AKAP19: variants seen among roughly 807,000 people sequenced by gnomAD.
AKAP19 encodes the protein small A-kinase anchoring protein.
the AKAP19 span, among the ~76,000 whole-genome samples, chr2:189,971,669 C>T: frequency 1.1e-4 from 17 of 152,196 alleles, no homozygotes; most frequent in South Asian, 2.1e-4. Flanking sequence ...TTTTAATGAT[C>T]GTCATTCTAA....
At chr2:190,110,903 C>G in the AKAP19 span, among the ~76,000 whole-genome samples, 2 of 152,202 alleles carry the variant, frequency 1.3e-5, no homozygotes, top group African/African-American at 4.8e-5. Context: ...ATGTAGGGCG[C>G]TGTCATTGTA....
At chr2:190,154,964 G>T in the AKAP19 span, among the ~76,000 whole-genome samples, 1 of 152,126 alleles carries the variant, frequency 6.6e-6, no homozygotes, top group Non-Finnish European at 1.5e-5. Context: ...CACTCCCACC[G>T]CTTTTCTAAG....
At chr2:189,923,241 C>T in the AKAP19 span, 2 of 1,278,710 alleles carry the variant, frequency 1.6e-6, no homozygotes, top group Non-Finnish European at 2.2e-6. Context: ...GTCGGCTTCT[C>T]TACGCAGAAC....
At chr2:190,121,306 T>C in the AKAP19 span, among the ~76,000 whole-genome samples, 2 of 151,960 alleles carry the variant, frequency 1.3e-5, no homozygotes, top group Non-Finnish European at 2.9e-5. Flanking sequence ...AAGGACAGGG[T>C]CTCTCTATGT....
At chr2:190,003,573 G>A in the AKAP19 span, among the ~76,000 whole-genome samples, 1 of 151,888 alleles carries the variant, frequency 6.6e-6, no homozygotes, top group Admixed American at 6.6e-5. Flanking sequence ...ATATAAAATT[G>A]TACTCTTAGG....
chr2:190,102,547 C>A, the AKAP19 span, among the ~76,000 whole-genome samples: 1 of 152,114 alleles, frequency 6.6e-6, no homozygotes, highest in African/African-American at 2.4e-5. Context: ...TCAGAGACTA[C>A]TATGAACTCC....
the AKAP19 span, among the ~76,000 whole-genome samples, chr2:189,955,740 T>C: frequency 1.3e-5 from 2 of 152,212 alleles, no homozygotes; most frequent in East Asian, 1.9e-4. Flanking sequence ...CAAATTCTTA[T>C]TGGGATGTAA....
At chr2:190,098,419 G>C in the AKAP19 span, among the ~76,000 whole-genome samples, 1 of 152,064 alleles carries the variant, frequency 6.6e-6, no homozygotes, top group Non-Finnish European at 1.5e-5. Flanking sequence ...CATTGTCAAT[G>C]AGCAGTAATA....
At chr2:190,024,471 T>C in the AKAP19 span, among the ~76,000 whole-genome samples, 2 of 151,918 alleles carry the variant, frequency 1.3e-5, no homozygotes, top group African/African-American at 4.8e-5. Context: ...AGTAAAGTCA[T>C]ATTTATATAT....
chr2:189,925,973 T>C, the AKAP19 span, among the ~76,000 whole-genome samples: 1 of 152,258 alleles, frequency 6.6e-6, no homozygotes, highest in Non-Finnish European at 1.5e-5. Context: ...TTTCTGAGGA[T>C]AGTCTCATGA....
At chr2:190,038,991 CT>C in the AKAP19 span, among the ~76,000 whole-genome samples, 311 of 124,250 alleles carry the variant, frequency 2.5e-3, 5 homozygotes, top group African/African-American at 9.7e-3. Context: ...TTCTTCCTTT[CT>C]TTCTTCTCTT....
the AKAP19 span, among the ~76,000 whole-genome samples, chr2:189,903,550 C>T: frequency 6.6e-6 from 1 of 151,928 alleles, no homozygotes; most frequent in Non-Finnish European, 1.5e-5. Context: ...GAATGCCATT[C>T]ATATGTAAAC....
the AKAP19 span, among the ~76,000 whole-genome samples, chr2:190,000,594 ATAT>A: frequency 6.6e-6 from 1 of 152,186 alleles, no homozygotes; most frequent in African/African-American, 2.4e-5. Context: ...TAGGGGAAAC[ATAT>A]TATTTTTCTT....
chr2:190,047,044 C>G, the AKAP19 span, among the ~76,000 whole-genome samples: 1 of 152,090 alleles, frequency 6.6e-6, no homozygotes, highest in African/African-American at 2.4e-5. Context: ...CCATATTACT[C>G]CCTCCTTAAC....
chr2:190,061,221 T>C, the AKAP19 span, among the ~76,000 whole-genome samples: 1 of 152,046 alleles, frequency 6.6e-6, no homozygotes, highest in South Asian at 2.1e-4. Context: ...GGAAATAATA[T>C]TTTAAAACTG....
At chr2:190,051,821 T>G in the AKAP19 span, among the ~76,000 whole-genome samples, 1 of 149,552 alleles carries the variant, frequency 6.7e-6, no homozygotes, top group Admixed American at 6.6e-5. Flanking sequence ...TTTTTTTTAT[T>G]TTTTATTTAT....
the AKAP19 span, among the ~76,000 whole-genome samples, chr2:190,029,660 A>C: frequency 6.6e-6 from 1 of 152,194 alleles, no homozygotes; most frequent in Non-Finnish European, 1.5e-5. Context: ...CTGTCATATT[A>C]CTCAACTCTC....
the AKAP19 span, among the ~76,000 whole-genome samples, chr2:190,125,191 C>A: frequency 2.0e-5 from 3 of 152,168 alleles, no homozygotes; most frequent in Non-Finnish European, 4.4e-5. Context: ...AGCACCACCA[C>A]AATCATGTGA....
the AKAP19 span, chr2:190,060,149 T>C: frequency 6.2e-7 from 1 of 1,612,966 alleles, no homozygotes; most frequent in Non-Finnish European, 8.5e-7. Context: ...CTAAGTTGGA[T>C]TCAGGTTGTT....
Sources: gnomAD v4.1 joint callset for allele counts (sites outside exome capture counted in the v4.1 genomes callset) on GRCh38, gnomAD v4.1.1 for gene constraint, MANE v1.5 for transcripts, NCBI Gene and HGNC (gene_info 2026-07-23, HGNC 2026-07-21) for gene names.